TSPAN19: variants seen among roughly 807,000 people sequenced by gnomAD.
The protein encoded by TSPAN19 is tetraspanin-19.
TSPAN19 carries 44 observed loss-of-function variants against 35.1 expected under a neutral mutation model. That is an observed-to-expected ratio of 1.25 (90% CI 0.98 to 1.61). The LOEUF (loss-of-function observed/expected upper bound fraction) is 1.61. Ranked by LOEUF, TSPAN19 falls within the 40% of genes most tolerant of loss-of-function variation. The pLI is 0.00. For synonymous variants in TSPAN19, 79 were observed against 92.0 expected, an observed-to-expected ratio of 0.86 and a Z score of 0.81; for missense variants, 290 against 280.0, an observed-to-expected ratio of 1.04 and a Z score of -0.26.
At chr12:85,019,776 T>C in intron 5 of TSPAN19, 40 bp from the exon 6 acceptor site, 1 of 1,170,876 alleles carries the variant, frequency 8.5e-7, no homozygotes, top group Non-Finnish European at 1.2e-6. Flanking sequence ...TTCATAGGAA[T>C]GTATCCATAA....
intron 1 of TSPAN19, among the ~76,000 whole-genome samples, chr12:85,031,075 A>G (rs1046433168): frequency 2.6e-5 from 4 of 152,132 alleles, no homozygotes; most frequent in African/African-American, 9.6e-5. Context: ...AGATGTCTAC[A>G]TTAGTCTATG....
chr12:85,016,880 G>A (rs1165729178), intron 7 of TSPAN19: 1 of 151,042 alleles, frequency 6.6e-6, no homozygotes, highest in Non-Finnish European at 1.5e-5. Flanking sequence ...AATTAATTAT[G>A]CAATTGAAAC....
chr12:85,016,031 T>C (rs1445293321), intron 7 of TSPAN19, 60 bp from the exon 8 acceptor site: 15 of 1,071,426 alleles, frequency 1.4e-5, no homozygotes, highest in Non-Finnish European at 1.8e-5. Flanking sequence ...TACATAAATC[T>C]TTACAAAAAA....
chr12:85,032,233 T>A (rs560037988), intron 1 of TSPAN19, among the ~76,000 whole-genome samples: 1 of 152,176 alleles, frequency 6.6e-6, no homozygotes, highest in African/African-American at 2.4e-5. Flanking sequence ...GACTTGAAAG[T>A]CATTCATAGA....
chr12:85,026,272 C>T (rs569368161), intron 4 of TSPAN19, among the ~76,000 whole-genome samples: 1 of 152,110 alleles, frequency 6.6e-6, no homozygotes, highest in African/African-American at 2.4e-5. Flanking sequence ...TTCTTGCAAG[C>T]CATTTCTGTT....
At chr12:85,022,297 G>A (rs1290272770) in intron 5 of TSPAN19, among the ~76,000 whole-genome samples, 2 of 152,038 alleles carry the variant, frequency 1.3e-5, no homozygotes, top group Non-Finnish European at 2.9e-5. Context: ...GCCATTAACA[G>A]TAGGCACTGG....
chr12:85,028,711 C>G (rs1877540404), intron 3 of TSPAN19, among the ~76,000 whole-genome samples: 1 of 152,124 alleles, frequency 6.6e-6, no homozygotes, highest in Non-Finnish European at 1.5e-5. Context: ...GTGATATTTT[C>G]AGGAAATCTG....
Position 85,029,719 on chromosome 12 carries a change from C to T in TSPAN19, c.139G>A (p.Asp47Asn). Residue 47 changes from aspartate (D) to asparagine (N), a missense_variant and splice_region_variant, in exon 3 of 9, where the codon GAT (aspartate) becomes AAT (asparagine). Transcript: ENST00000532498. ...LDRNNFLTAFDENNHFIVPIS... is the reference protein window; with the variant it reads ...LDRNNFLTAFNENNHFIVPIS... ...GAGAAAAACAAAAATAGATACATACCAAAAGCTGTTAAAAAATTATTTCTA... is the reference window on the plus strand; with the variant it reads ...GAGAAAAACAAAAATAGATACATACTAAAAGCTGTTAAAAAATTATTTCTA... The T allele has an allele frequency of 6.5e-7, 1 of 1,537,370 alleles. No individual in the cohort carries two copies. Among genetic ancestry groups the T allele is most frequent in the Non-Finnish European group, 8.8e-7 (1 of 1,142,100 alleles).
intron 7 of TSPAN19, 187 bp downstream of exon 7, chr12:85,017,269 A>T: frequency 1.8e-6 from 1 of 569,020 alleles, no homozygotes; most frequent in Non-Finnish European, 3.1e-6. Flanking sequence ...TACTTTACGT[A>T]TTATACACTG....
chr12:85,033,600 T>TCTA (rs1877784142), intron 1 of TSPAN19, among the ~76,000 whole-genome samples: 1 of 152,142 alleles, frequency 6.6e-6, no homozygotes, highest in Admixed American at 6.6e-5. Flanking sequence ...CTACATTGTC[T>TCTA]CATTTAAATT....
chr12:85,026,827 A>G (rs1050315619), intron 4 of TSPAN19, among the ~76,000 whole-genome samples: 13 of 152,056 alleles, frequency 8.5e-5, no homozygotes, highest in African/African-American at 3.1e-4. Flanking sequence ...AGTAGACCTG[A>G]AGGGACCATG....
chr12:85,025,519 CT>C (rs1400113615), intron 4 of TSPAN19, among the ~76,000 whole-genome samples: 7 of 150,178 alleles, frequency 4.7e-5, no homozygotes, highest in African/African-American at 1.5e-4. Context: ...CATGGAATAG[CT>C]TTTTTTGTTG....
intron 4 of TSPAN19, chr12:85,024,673 A>C (rs1592663611): frequency 6.5e-6 from 1 of 153,468 alleles, no homozygotes; most frequent in East Asian, 1.9e-4. Context: ...GCTACTTCGG[A>C]ATCTGAGGCA....
rs751387360 is a variant in TSPAN19, at chr12:85,015,869, C to T, written c.678+19G>A. Reference sequence around the variant, plus strand: ...TTATACTTAATATTTTTCATTTTAACATATGAACAAAAGCTTACCTCTGAA... The same window carrying T: ...TTATACTTAATATTTTTCATTTTAATATATGAACAAAAGCTTACCTCTGAA... On this transcript the variant is annotated intron_variant, in intron 8 of 8. Transcript: ENST00000532498. 1.3e-5 allele frequency: 19 copies of T among 1,510,704 alleles called. No homozygotes were observed. The highest frequency in any genetic ancestry group is 4.1e-5 in the Admixed American group (2 of 49,106). 93.6% of individuals were successfully genotyped at this position (1,510,704 alleles called of 1,614,324 possible).
At chr12:85,030,153 C>T (rs1469343898) in intron 1 of TSPAN19, among the ~76,000 whole-genome samples, 180 bp from the exon 2 acceptor site, 1 of 151,956 alleles carries the variant, frequency 6.6e-6, no homozygotes, top group Non-Finnish European at 1.5e-5. Context: ...CCTGCATTTT[C>T]TTTTTACTAG....
At chr12:85,033,837 G>T (rs1592669687) in intron 1 of TSPAN19, among the ~76,000 whole-genome samples, 2 of 152,104 alleles carry the variant, frequency 1.3e-5, no homozygotes, top group Admixed American at 1.3e-4. Context: ...TCAAAGAGAT[G>T]TTGTGAAAAT....
At chr12:85,030,002 AT>A in intron 1 of TSPAN19, 29 bp from the exon 2 acceptor site, 6 of 1,340,192 alleles carry the variant, frequency 4.5e-6, no homozygotes, top group Non-Finnish European at 6.0e-6. Context: ...CTTTTTAAAC[AT>A]TCTACACAAC....
rs755310077 is a variant in TSPAN19 at position 85,019,666 on chromosome 12, T to A, written c.410A>T (p.Asp137Val). 1.9e-6 allele frequency: 3 copies of A among 1,609,974 alleles called. No homozygotes were observed. The Admixed American group carries it at 5.1e-5, about 27-fold the overall frequency. The change falls in exon 6 of 9, where the codon GAT (aspartate) becomes GTT (valine). Residue 137 changes from aspartate (D) to valine (V), a missense_variant. Physicochemically the swap from Asp to Val is radical, Grantham distance 152. Transcript: ENST00000532498. ...ATTCAGAATAGTCCACTTGGTTATA[T>A]CTTCAGGCTTATCTTTAGATCCATA... ...SEYGSKDKPEDITKWTILNAL... is the reference protein window; with the variant it reads ...SEYGSKDKPEVITKWTILNAL...
At chr12:85,022,024 T>C (rs189538525) in intron 5 of TSPAN19, among the ~76,000 whole-genome samples, 3 of 152,204 alleles carry the variant, frequency 2.0e-5, no homozygotes, top group Non-Finnish European at 1.5e-5. Context: ...AGTGTGTGCA[T>C]AACATTGAAG....
Sources: gnomAD v4.1 joint callset for allele counts (sites outside exome capture counted in the v4.1 genomes callset) on GRCh38, gnomAD v4.1.1 for gene constraint, MANE v1.5 for transcripts, NCBI Gene and HGNC (gene_info 2026-07-23, HGNC 2026-07-21) for gene names.